Variants in RABGAP1L observed in about 807,000 individuals in gnomAD.
RABGAP1L encodes rab GTPase-activating protein 1-like.
A neutral mutation model predicts 137.7 loss-of-function variants in RABGAP1L; 63 were observed. The observed-to-expected ratio is 0.46, with a 90% confidence interval of 0.37 to 0.56. RABGAP1L has a LOEUF of 0.56. Ranked by LOEUF, RABGAP1L falls within the 20% of genes least tolerant of loss-of-function variation. RABGAP1L has a pLI of 0.00. For missense variants in RABGAP1L, 1,095 were observed against 1,244.0 expected, an observed-to-expected ratio of 0.88 and a Z score of 1.80; for synonymous variants, 431 against 433.7, an observed-to-expected ratio of 0.99 and a Z score of 0.08.
chr1:174,974,249 C>G (rs1160223067), intron 21 of RABGAP1L, among the ~76,000 whole-genome samples: 1 of 151,990 alleles, frequency 6.6e-6, no homozygotes, highest in Non-Finnish European at 1.5e-5. Flanking sequence ...CTCGGCCTCC[C>G]AGGGTGCTGG....
chr1:174,957,623 C>A, intron 20 of RABGAP1L, 74 bp downstream of exon 20: 1 of 1,345,762 alleles, frequency 7.4e-7, no homozygotes, highest in Non-Finnish European at 1.0e-6. Flanking sequence ...TGCCGTGTTG[C>A]CCAGGCTGGT....
At chr1:174,644,611 C>T (rs1674804356) in intron 14 of RABGAP1L, among the ~76,000 whole-genome samples, 1 of 151,826 alleles carries the variant, frequency 6.6e-6, no homozygotes, top group African/African-American at 2.4e-5. Context: ...TATGGTGCCT[C>T]CTGAATTATG....
rs1002190027 is a variant in RABGAP1L, at chr1:174,723,276, T to C, written c.2169+21020T>C. Among the ~76,000 whole-genome samples the C allele has an allele frequency of 3.9e-5, 6 of 152,264 alleles. No individual in the cohort carries two copies. The South Asian group carries it at 1.2e-3, about 32-fold the overall frequency. On this transcript the variant is annotated intron_variant, in intron 17 of 25. Coordinates refer to ENST00000681986, the MANE Select transcript of RABGAP1L (RefSeq NM_001366446.1). ...TTTTAGTAGAAACAGGGTTTCACCA[T>C]GTTGGCCAGGCTGGTCTCGAACTCC...
intron 13 of RABGAP1L, among the ~76,000 whole-genome samples, chr1:174,596,652 C>T (rs958972857): frequency 8.5e-5 from 13 of 152,128 alleles, no homozygotes; most frequent in African/African-American, 2.4e-4. Flanking sequence ...AAGATTATAT[C>T]ATCTGCAAAG....
At chr1:174,589,639 G>A (rs1303323675) in intron 13 of RABGAP1L, among the ~76,000 whole-genome samples, 2 of 152,088 alleles carry the variant, frequency 1.3e-5, no homozygotes, top group Non-Finnish European at 2.9e-5. Context: ...TTTTATATAT[G>A]TCGAGAGAAA....
At chr1:174,821,936 T>C (rs982043660) in intron 19 of RABGAP1L, among the ~76,000 whole-genome samples, 5 of 152,188 alleles carry the variant, frequency 3.3e-5, no homozygotes, top group Non-Finnish European at 7.4e-5. Flanking sequence ...AGAAATGTTA[T>C]CATGTTATAG....
At chr1:174,874,688 T>C (rs1652802589) in intron 19 of RABGAP1L, among the ~76,000 whole-genome samples, 1 of 147,194 alleles carries the variant, frequency 6.8e-6, no homozygotes, top group South Asian at 2.2e-4. Flanking sequence ...GGGGGGATGG[T>C]AAAACAGGAG....
intron 10 of RABGAP1L, among the ~76,000 whole-genome samples, chr1:174,292,329 C>CTTTTTTTTTTTTTTTTTTT (rs61636433): frequency 4.0e-5 from 2 of 50,620 alleles, no homozygotes; most frequent in Admixed American, 2.8e-4. Flanking sequence ...CCTACCTAAT[C>CTTTTTTTTTTTTTTTTTTT]TTTTTTTTTT....
chr1:174,617,962 A>G (rs970738210), intron 13 of RABGAP1L, among the ~76,000 whole-genome samples: 4 of 152,174 alleles, frequency 2.6e-5, no homozygotes, highest in Non-Finnish European at 5.9e-5. Flanking sequence ...CACTTTTCCA[A>G]TGGTCTTAGC....
chr1:174,986,987 A>G (rs1671644373), intron 24 of RABGAP1L, among the ~76,000 whole-genome samples: 1 of 152,226 alleles, frequency 6.6e-6, no homozygotes, highest in Non-Finnish European at 1.5e-5. Flanking sequence ...ATACTGGGCT[A>G]ATTATTCTCA....
intron 13 of RABGAP1L, among the ~76,000 whole-genome samples, chr1:174,406,188 A>G (rs561498360): frequency 1.3e-3 from 201 of 152,280 alleles, no homozygotes; most frequent in South Asian, 3.5e-3. Context: ...TGATATCTAC[A>G]TATATAAAAA....
intron 13 of RABGAP1L, among the ~76,000 whole-genome samples, chr1:174,417,644 A>G (rs575029100): frequency 4.6e-5 from 7 of 152,294 alleles, no homozygotes; most frequent in African/African-American, 1.7e-4. Flanking sequence ...CTTTGGGTAT[A>G]TGGATTTGTA....
intron 1 of RABGAP1L, among the ~76,000 whole-genome samples, chr1:174,212,250 C>G (rs1379362867): frequency 6.6e-6 from 1 of 151,726 alleles, no homozygotes; most frequent in Non-Finnish European, 1.5e-5. Context: ...TTTAAAACAT[C>G]AAAAAAAGAA....
intron 13 of RABGAP1L, among the ~76,000 whole-genome samples, chr1:174,418,277 A>G (rs910840909): frequency 3.9e-5 from 6 of 152,234 alleles, no homozygotes; most frequent in African/African-American, 9.6e-5. Context: ...TTCAGTTTCA[A>G]TGAGGTAGTA....
chr1:174,715,625 C>CT (rs1311280495), intron 17 of RABGAP1L, among the ~76,000 whole-genome samples: 1 of 152,222 alleles, frequency 6.6e-6, no homozygotes. Context: ...GGTTTTTCAA[C>CT]TTTTTTCAAT....
intron 13 of RABGAP1L, among the ~76,000 whole-genome samples, chr1:174,618,014 G>A (rs541386454): frequency 6.6e-6 from 1 of 152,360 alleles, no homozygotes; most frequent in African/African-American, 2.4e-5. Flanking sequence ...CTGGCTTGGA[G>A]GGTCCTATGC....
chr1:174,419,329 A>G (rs531146318), intron 13 of RABGAP1L, among the ~76,000 whole-genome samples: 220 of 152,316 alleles, frequency 1.4e-3, no homozygotes, highest in African/African-American at 5.0e-3. Context: ...AGGCAATGTC[A>G]ACACTACTAC....
chr1:174,811,774 A>G (rs1482792113), intron 18 of RABGAP1L, 58 bp from the exon 19 acceptor site: 2 of 1,415,686 alleles, frequency 1.4e-6, no homozygotes, highest in Admixed American at 2.6e-5. Flanking sequence ...TTTTTGAAAT[A>G]TATTTGTCCT....
chr1:174,523,812 C>T (rs1400375687), intron 13 of RABGAP1L, among the ~76,000 whole-genome samples: 1 of 152,152 alleles, frequency 6.6e-6, no homozygotes, highest in African/African-American at 2.4e-5. Context: ...TTCCCTGCCC[C>T]TGGTACCTCA....
Sources: allele counts gnomAD v4.1 joint callset (sites outside exome capture counted in the v4.1 genomes callset), GRCh38; gene constraint gnomAD v4.1.1; transcripts MANE v1.5; gene names NCBI Gene and HGNC (gene_info 2026-07-23, HGNC 2026-07-21).